The following RAP1GAP2 variants were observed in gnomAD, a reference collection of about 807,000 sequenced individuals.
RAP1GAP2 encodes the protein rap1 GTPase-activating protein 2.
Under a neutral mutation model 95.0 loss-of-function variants are expected in RAP1GAP2, and 27 were observed. That is an observed-to-expected ratio of 0.28 (90% CI 0.21 to 0.39). RAP1GAP2 has a LOEUF of 0.39. Among genes scored for constraint, RAP1GAP2 ranks in the 10% least tolerant of loss-of-function variants. RAP1GAP2 has a pLI of 1.00. For synonymous variants in RAP1GAP2, 373 were observed against 380.9 expected, an observed-to-expected ratio of 0.98 and a Z score of 0.24; for missense variants, 771 against 970.0, an observed-to-expected ratio of 0.79 and a Z score of 2.72.
intron 8 of RAP1GAP2, among the ~76,000 whole-genome samples, chr17:2,973,526 A>G (rs2044963220): frequency 6.6e-6 from 1 of 152,210 alleles, no homozygotes; most frequent in Non-Finnish European, 1.5e-5. Context: ...CAACAAACAA[A>G]AGGAAAACAG....
At chr17:2,979,081 C>G (rs965486784) in intron 8 of RAP1GAP2, among the ~76,000 whole-genome samples, 1 of 152,048 alleles carries the variant, frequency 6.6e-6, no homozygotes, top group Non-Finnish European at 1.5e-5. Flanking sequence ...AAAAACGGCT[C>G]AACAGAAATG....
intron 16 of RAP1GAP2, among the ~76,000 whole-genome samples, chr17:3,007,149 G>T (rs1597857970): frequency 6.6e-6 from 1 of 152,188 alleles, no homozygotes; most frequent in East Asian, 1.9e-4. Flanking sequence ...GTTTGCTGTG[G>T]CTGAAGGACC....
At chr17:2,764,054 G>T in intron 1 of RAP1GAP2, among the ~76,000 whole-genome samples, 1 of 152,056 alleles carries the variant, frequency 6.6e-6, no homozygotes, top group Non-Finnish European at 1.5e-5. Flanking sequence ...GACTTCTTGG[G>T]ATTTTTCTGG....
Position 2,758,030 on chromosome 17 carries a change from A to C in RAP1GAP2, c.50+2263A>C, listed in dbSNP as rs576834495. On this transcript the variant is annotated intron_variant, in intron 1 of 25. Transcript: ENST00000637138. ...GACTACAGGTGCCCGCCACCACGCC[A>C]GGCTAATTTTTTGTATTTTTAGTAG... 1.0e-4 allele frequency among the ~76,000 whole-genome samples: 15 copies of C among 145,518 alleles called. No homozygotes were observed. In the South Asian group the frequency reaches 1.1e-3, roughly 11 times the overall value.
intron 2 of RAP1GAP2, among the ~76,000 whole-genome samples, chr17:2,831,185 T>C (rs1448279815): frequency 6.8e-6 from 1 of 146,582 alleles, no homozygotes; most frequent in Non-Finnish European, 1.5e-5. Context: ...TCAAGGATTC[T>C]CCTGCCTTAG....
chr17:3,024,817 A>G (rs1002598985), intron 19 of RAP1GAP2, among the ~76,000 whole-genome samples: 3 of 152,242 alleles, frequency 2.0e-5, no homozygotes, highest in African/African-American at 7.2e-5. Flanking sequence ...AGACCATAAC[A>G]TATTATATGA....
At chr17:2,952,619 C>T (rs990092614) in intron 3 of RAP1GAP2, among the ~76,000 whole-genome samples, 5 of 152,322 alleles carry the variant, frequency 3.3e-5, no homozygotes, top group Non-Finnish European at 2.9e-5. Flanking sequence ...TACTGTTTCT[C>T]ATTCCTGCCA....
chr17:2,947,310 C>T (rs974480689), intron 3 of RAP1GAP2, among the ~76,000 whole-genome samples: 5 of 151,952 alleles, frequency 3.3e-5, no homozygotes, highest in African/African-American at 7.3e-5. Flanking sequence ...TTCTGGAGGA[C>T]GGTTCATTAT....
chr17:2,866,392 G>A lies in RAP1GAP2; in HGVS notation c.81-38892G>A, dbSNP rs1167346030. On this transcript the variant is annotated intron_variant, in intron 2 of 24. Coordinates refer to ENST00000254695, the MANE Select transcript of RAP1GAP2 (RefSeq NM_015085.5). The surrounding 1 kb of genome is among the most constrained non-coding windows in gnomAD (Gnocchi z 4.0). ...GCTGTGGGAGGCTTCCCTGCTCCCC[G>A]CCTCCCCTAGACTCAGGGCAGTTGG... Among the ~76,000 whole-genome samples the A allele has an allele frequency of 2.0e-5, 3 of 152,144 alleles. No homozygotes were observed. The highest frequency in any genetic ancestry group is 4.8e-5 in the African/African-American group (2 of 41,434).
At chr17:2,915,193 A>G (rs920300713) in intron 3 of RAP1GAP2, among the ~76,000 whole-genome samples, 12 of 152,022 alleles carry the variant, frequency 7.9e-5, no homozygotes, top group African/African-American at 2.9e-4. Flanking sequence ...AATTGTTGGG[A>G]TTACAAGCTT....
chr17:2,789,114 GT>G (rs1419607321), intron 1 of RAP1GAP2, among the ~76,000 whole-genome samples: 1 of 152,080 alleles, frequency 6.6e-6, no homozygotes, highest in East Asian at 1.9e-4. Context: ...CTGGAGTGCA[GT>G]GGCCCAATCA....
At chr17:2,910,720 T>C (rs920735231) in intron 3 of RAP1GAP2, among the ~76,000 whole-genome samples, 2 of 152,204 alleles carry the variant, frequency 1.3e-5, no homozygotes, top group Admixed American at 6.5e-5. Flanking sequence ...TAAGTTACAT[T>C]CTTTATTTTT....
intron 2 of RAP1GAP2, among the ~76,000 whole-genome samples, chr17:2,845,183 C>A (rs2071533597): frequency 6.6e-6 from 1 of 152,216 alleles, no homozygotes; most frequent in Non-Finnish European, 1.5e-5. Flanking sequence ...CACTCTGTTG[C>A]TCACGCTGGA....
intron 2 of RAP1GAP2, among the ~76,000 whole-genome samples, chr17:2,881,273 A>AG (rs2073279290): frequency 6.6e-6 from 1 of 152,006 alleles, no homozygotes; most frequent in Non-Finnish European, 1.5e-5. Context: ...AAAAAAAAAA[A>AG]AGAAAAAATG....
At chr17:2,961,496 TAG>T (rs2044323814) in intron 4 of RAP1GAP2, among the ~76,000 whole-genome samples, 1 of 151,924 alleles carries the variant, frequency 6.6e-6, no homozygotes, top group South Asian at 2.1e-4. Context: ...GCCTGGGCAA[TAG>T]AGAGAGACTC....
At chr17:2,983,658 C>T (rs2045454849) in intron 10 of RAP1GAP2, among the ~76,000 whole-genome samples, 1 of 152,212 alleles carries the variant, frequency 6.6e-6, no homozygotes, top group Non-Finnish European at 1.5e-5. Flanking sequence ...CCATAACACA[C>T]ACCAAGGTTT....
chr17:3,000,262 C>T (rs1029491941), intron 14 of RAP1GAP2, among the ~76,000 whole-genome samples: 1 of 152,230 alleles, frequency 6.6e-6, no homozygotes, highest in Non-Finnish European at 1.5e-5. Flanking sequence ...TTCTTGAAGG[C>T]TATAGGATCA....
rs147164054 is a variant in RAP1GAP2, at chr17:2,763,354, A to G, written c.51-6975A>G. 7.5e-4 allele frequency among the ~76,000 whole-genome samples: 114 copies of G among 152,276 alleles called. No individual in the cohort carries two copies. The East Asian group carries it at 0.021, about 28-fold the overall frequency. The stretch of plus-strand genomic sequence containing the variant: ...TTTGTACTTCAGCAGTGAGACAGAC[A>G]GGCACATAAATAACTAACATCCAGG... On this transcript the variant is annotated intron_variant, in intron 1 of 25. Coordinates refer to the RAP1GAP2 transcript ENST00000637138.
At chr17:3,030,136 ATTATATG>A (rs1339303562) in intron 22 of RAP1GAP2, among the ~76,000 whole-genome samples, 4 of 147,554 alleles carry the variant, frequency 2.7e-5, no homozygotes, top group Middle Eastern at 3.6e-3. Context: ...ATACATATAT[ATTATATG>A]TTATATGTAT....
Sources: allele counts gnomAD v4.1 joint callset (sites outside exome capture counted in the v4.1 genomes callset), GRCh38; gene constraint gnomAD v4.1.1; non-coding constraint Gnocchi (gnomAD v3.1); transcripts MANE v1.5; gene names NCBI Gene and HGNC (gene_info 2026-07-23, HGNC 2026-07-21).